Variants in ALK observed in about 807,000 individuals in gnomAD.
ALK encodes ALK tyrosine kinase receptor.
ALK carries 74 observed loss-of-function variants against 163.1 expected under a neutral mutation model. The observed-to-expected ratio is 0.45, with a 90% CI of 0.38 to 0.55. ALK has a LOEUF of 0.55. Ranked by LOEUF, ALK falls within the 20% of genes least tolerant of loss-of-function variation. The pLI is 0.00. For synonymous variants in ALK, 960 were observed against 843.2 expected, an observed-to-expected ratio of 1.14 and a Z score of -2.40; for missense variants, 2,063 against 2,105.3, an observed-to-expected ratio of 0.98 and a Z score of 0.39.
At chr2:29,630,974 T>C (rs936099310) in intron 3 of ALK, among the ~76,000 whole-genome samples, 29 of 152,244 alleles carry the variant, frequency 1.9e-4, no homozygotes, top group African/African-American at 6.8e-4. Flanking sequence ...AAGGTAGCAA[T>C]TTAAAAACAT....
intron 1 of ALK, among the ~76,000 whole-genome samples, chr2:29,721,133 G>A (rs1679409599): frequency 6.6e-6 from 1 of 152,178 alleles, no homozygotes; most frequent in Non-Finnish European, 1.5e-5. Flanking sequence ...CTGTTTTTCT[G>A]ATGATTTCTT....
intron 4 of ALK, among the ~76,000 whole-genome samples, chr2:29,441,556 G>T (rs968917398): frequency 2.6e-5 from 4 of 152,208 alleles, no homozygotes; most frequent in Admixed American, 2.0e-4. Flanking sequence ...AGCACTTGTA[G>T]GGCTTGGAGA....
chr2:29,447,233 C>T (rs7604018), intron 4 of ALK, among the ~76,000 whole-genome samples: 125,223 of 152,176 alleles, frequency 0.82, 52,806 homozygotes, highest in Non-Finnish European at 0.93. Context: ...CCAGAGTCTC[C>T]TCCCCTACCC....
intron 1 of ALK, among the ~76,000 whole-genome samples, chr2:29,750,202 G>A (rs1447944160): frequency 8.5e-5 from 13 of 152,320 alleles, no homozygotes; most frequent in Non-Finnish European, 1.8e-4. Context: ...ACATCACAGA[G>A]TGCATTTACA....
chr2:29,856,858 C>A (rs941797110), intron 1 of ALK, among the ~76,000 whole-genome samples: 55 of 152,192 alleles, frequency 3.6e-4, no homozygotes, highest in African/African-American at 1.3e-3. Flanking sequence ...TTAGACAGGG[C>A]GCTGAATTGG....
chr2:29,529,633 GC>G (rs1673062424), intron 4 of ALK, among the ~76,000 whole-genome samples: 1 of 152,242 alleles, frequency 6.6e-6, no homozygotes, highest in Admixed American at 6.5e-5. Flanking sequence ...CTTGCAGCTG[GC>G]CAAGGCACCC....
chr2:29,669,846 C>T (rs116056583), intron 3 of ALK, among the ~76,000 whole-genome samples: 2,098 of 147,236 alleles, frequency 0.014, 43 homozygotes, highest in African/African-American at 0.05. Flanking sequence ...TATCTTAGAT[C>T]ACAAATAGAA....
chr2:29,677,498 T>A (rs1677919900), intron 3 of ALK, among the ~76,000 whole-genome samples: 1 of 152,042 alleles, frequency 6.6e-6, no homozygotes, highest in South Asian at 2.1e-4. Context: ...TGAGTGGATG[T>A]TGGATTCTAT....
intron 24 of ALK, among the ~76,000 whole-genome samples, chr2:29,212,947 C>T (rs1200376874): frequency 6.6e-6 from 1 of 152,316 alleles, no homozygotes; most frequent in East Asian, 1.9e-4. Flanking sequence ...TCATGTGATT[C>T]TCCCGCCTCA....
chr2:29,662,762 A>G (rs1022567203), intron 3 of ALK, among the ~76,000 whole-genome samples: 1 of 152,048 alleles, frequency 6.6e-6, no homozygotes, highest in African/African-American at 2.4e-5. Flanking sequence ...TGTGACCTAC[A>G]CGTGAAGGCA....
intron 7 of ALK, 149 bp from the exon 8 acceptor site, chr2:29,318,553 C>A: frequency 3.1e-6 from 2 of 645,664 alleles, no homozygotes; most frequent in East Asian, 2.8e-5. Context: ...GAAGAAAGCC[C>A]ACCTGTCAAC....
At chr2:29,624,103 T>C (rs1463784068) in intron 3 of ALK, among the ~76,000 whole-genome samples, 1 of 26,308 alleles carries the variant, frequency 3.8e-5, no homozygotes, top group Non-Finnish European at 1.3e-4. Context: ...AATTCACTAG[T>C]TGAGGAAAAA....
chr2:29,562,308 C>T (rs905307698), intron 3 of ALK, among the ~76,000 whole-genome samples: 3 of 152,168 alleles, frequency 2.0e-5, no homozygotes, highest in Non-Finnish European at 2.9e-5. Flanking sequence ...TTCAGTCTAG[C>T]CCCTTTTCAC....
At position 29,320,823 on chromosome 2, in the gene ALK, C is replaced by T. The variant is rs1667014493; in HGVS notation, c.1474G>A (p.Gly492Ser). Residue 492 changes from glycine (G) to serine (S), a missense_variant, in exon 7 of 29, where the codon GGC becomes AGC. Physicochemically the swap from Gly to Ser is moderately conservative, Grantham distance 56. This residue lies in a region of ALK where 987 missense variants were observed against 939.5 expected (regional missense o/e 1.05). Transcript: ENST00000389048. ...FEDGFCGWTQ[G>S]TLSPHTPQWQ... ...TGAGGAGTGTGGGGTGACAGTGTGC[C>T]TTGGGTCCAGCCACAGAAGCCATCT... The T allele has an allele frequency of 6.2e-7, 1 of 1,614,150 alleles. No homozygotes were observed. The highest frequency in any genetic ancestry group is 1.1e-5 in the South Asian group (1 of 91,078).
At position 29,742,335 on chromosome 2, in the gene ALK, C is replaced by A. The variant is rs144692641; in HGVS notation, c.668-24638G>T. Among the ~76,000 whole-genome samples, 283 of 152,330 alleles carry A rather than the reference C, an allele frequency of 1.9e-3. 1 individual carries two copies. The highest frequency in any genetic ancestry group is 6.2e-3 in the African/African-American group (257 of 41,572). On this transcript the variant is annotated intron_variant, in intron 1 of 28. Coordinates refer to ENST00000389048, the MANE Select transcript of ALK (RefSeq NM_004304.5). ...ATGGTGCTAAGCCCTCTTCTGAACACCCTTGTGACCAAGGGCCTGAGTTCA... is the reference window on the plus strand; with the variant it reads ...ATGGTGCTAAGCCCTCTTCTGAACAACCTTGTGACCAAGGGCCTGAGTTCA...
chr2:29,565,758 T>C (rs1187687924), intron 3 of ALK, among the ~76,000 whole-genome samples: 1 of 152,122 alleles, frequency 6.6e-6, no homozygotes, highest in Non-Finnish European at 1.5e-5. Flanking sequence ...AATAGCACCC[T>C]GCAAAACTGA....
At chr2:29,194,361 G>A (rs1294440594) in intron 28 of ALK, among the ~76,000 whole-genome samples, 1 of 152,056 alleles carries the variant, frequency 6.6e-6, no homozygotes, top group Non-Finnish European at 1.5e-5. Context: ...GAGGAGGAGA[G>A]GAGACACATG....
chr2:29,701,824 G>A (rs76400213), intron 2 of ALK, among the ~76,000 whole-genome samples: 5,805 of 152,260 alleles, frequency 0.038, 150 homozygotes, highest in Middle Eastern at 0.065. Context: ...AGGCATTGGA[G>A]CTCAGAGAAG....
intron 5 of ALK, among the ~76,000 whole-genome samples, chr2:29,330,204 G>C (rs1262323506): frequency 6.6e-6 from 1 of 152,160 alleles, no homozygotes; most frequent in Admixed American, 6.5e-5. Context: ...CTGTGATCTG[G>C]GCCTAAGTTG....
Sources: allele counts gnomAD v4.1 joint callset (sites outside exome capture counted in the v4.1 genomes callset), GRCh38; gene constraint gnomAD v4.1.1; regional missense constraint gnomAD v4.1.1; transcripts MANE v1.5; gene names NCBI Gene and HGNC (gene_info 2026-07-23, HGNC 2026-07-21).